Variants in NEDD9 observed in about 807,000 individuals in gnomAD.
The protein encoded by NEDD9 is neural precursor cell expressed, developmentally down-regulated 9.
Under a neutral mutation model 76.6 loss-of-function variants are expected in NEDD9, and 26 were observed. That is an observed-to-expected ratio of 0.34 (90% CI 0.25 to 0.47). The LOEUF (loss-of-function observed/expected upper bound fraction) is 0.47. NEDD9 is among the 20% of genes least tolerant of loss of function. The pLI, the probability that NEDD9 is intolerant of heterozygous loss-of-function variation, is 1.00. For synonymous variants in NEDD9, 392 were observed against 414.2 expected, an observed-to-expected ratio of 0.95 and a Z score of 0.65; for missense variants, 937 against 1,058.5, an observed-to-expected ratio of 0.89 and a Z score of 1.59.
Position 11,188,947 on chromosome 6 carries a change from A to ATTT in NEDD9, c.1906-643_1906-641dup, listed in dbSNP as rs34060597. 1.1e-3 allele frequency among the ~76,000 whole-genome samples: 159 copies of ATTT among 145,990 alleles called. 1 individual carries two copies. The highest frequency in any genetic ancestry group is 4.9e-3 in the East Asian group (24 of 4,942). On this transcript the variant is annotated intron_variant, in intron 5 of 6. Coordinates refer to ENST00000379446, the MANE Select transcript of NEDD9 (RefSeq NM_006403.4). The stretch of plus-strand genomic sequence containing the variant: ...AGTCCTAAACAATGGATCTTGGTAG[A>ATTT]TTTTTTTTTTTTTTTCTGAGACAGA...
chr6:11,306,049 T>C (rs750597128), exon 3 of NEDD9: 1 of 1,613,288 alleles, frequency 6.2e-7, no homozygotes. Context: ...AAAGGACAAT[T>C]CCGGCGTTTT....
intron 2 of NEDD9, among the ~76,000 whole-genome samples, chr6:11,196,076 T>A (rs1758284480): frequency 6.6e-6 from 1 of 152,004 alleles, no homozygotes; most frequent in South Asian, 2.1e-4. Flanking sequence ...AGGGCAAGGA[T>A]CGCGGATCAC....
rs35011508 is a variant in NEDD9 at position 11,358,246 on chromosome 6, C to CAA, written c.-213-23687_-213-23686dup. On this transcript the variant is annotated intron_variant, in intron 1 of 3. Coordinates refer to the NEDD9 transcript ENST00000397378. The stretch of plus-strand genomic sequence containing the variant: ...GCCTGGCGACAGAGCAAGACTCCGT[C>CAA]AAAAAAAAAAAAAAAAAAAAAAAAA... Among the ~76,000 whole-genome samples the CAA allele has an allele frequency of 3.8e-3, 233 of 61,288 alleles. 12 individuals are homozygous for CAA. Among genetic ancestry groups the CAA allele is most frequent in the Non-Finnish European group, 5.6e-3 (200 of 35,442 alleles). 40.2% of individuals were successfully genotyped at this position (61,288 alleles called of 152,430 possible). A position where few individuals can be genotyped will look rare whatever the true frequency, so the allele number is the denominator to read the frequency against.
intron 2 of NEDD9, among the ~76,000 whole-genome samples, chr6:11,309,710 C>T (rs982319659): frequency 5.3e-5 from 8 of 152,122 alleles, no homozygotes; most frequent in Non-Finnish European, 1.0e-4. Flanking sequence ...TGTGTCACCA[C>T]CCCTCTAAAA....
intron 1 of NEDD9, among the ~76,000 whole-genome samples, chr6:11,340,577 G>A (rs1297339056): frequency 6.6e-6 from 1 of 152,124 alleles, no homozygotes; most frequent in Non-Finnish European, 1.5e-5. Context: ...CTTGCCTAAA[G>A]TCACACAGCC....
chr6:11,350,111 G>A (rs896958874), intron 1 of NEDD9, among the ~76,000 whole-genome samples: 2 of 152,130 alleles, frequency 1.3e-5, no homozygotes, highest in Admixed American at 6.6e-5. Context: ...ATTGACAATT[G>A]GCTGTTAATG....
chr6:11,203,552 G>A lies in NEDD9; in HGVS notation c.459+9729C>T, dbSNP rs1581953323. Among the ~76,000 whole-genome samples, 4 of 152,308 alleles carry A rather than the reference G, an allele frequency of 2.6e-5. No individual in the cohort carries two copies. The South Asian group carries it at 8.3e-4, about 32-fold the overall frequency. On this transcript the variant is annotated intron_variant, in intron 2 of 6. Coordinates refer to ENST00000379446, the MANE Select transcript of NEDD9 (RefSeq NM_006403.4). Reference sequence around the variant, plus strand: ...GCAAACCACTCACAAGGCAGAACTCGGTGCCAGCTCTGAAGGTGGTTGTCG... The same window carrying A: ...GCAAACCACTCACAAGGCAGAACTCAGTGCCAGCTCTGAAGGTGGTTGTCG...
At chr6:11,221,978 G>C (rs1759158676) in intron 1 of NEDD9, among the ~76,000 whole-genome samples, 1 of 151,976 alleles carries the variant, frequency 6.6e-6, no homozygotes, top group Admixed American at 6.6e-5. Flanking sequence ...AGGTACTCAG[G>C]GAAGAGAAAT....
chr6:11,324,652 C>T (rs1055815800), intron 2 of NEDD9, among the ~76,000 whole-genome samples: 2 of 152,234 alleles, frequency 1.3e-5, no homozygotes, highest in Non-Finnish European at 2.9e-5. Context: ...GTGTGCCTGT[C>T]CTTTCTTGTC....
chr6:11,371,247 T>C (rs956817544), intron 1 of NEDD9, among the ~76,000 whole-genome samples: 2 of 152,182 alleles, frequency 1.3e-5, no homozygotes, highest in Non-Finnish European at 2.9e-5. Flanking sequence ...GCACATTTGC[T>C]ACAATCAATA....
At chr6:11,331,364 G>A (rs977952801) in intron 2 of NEDD9, among the ~76,000 whole-genome samples, 1 of 144,136 alleles carries the variant, frequency 6.9e-6, no homozygotes, top group Non-Finnish European at 1.5e-5. Context: ...TTTTTCTGAA[G>A]CAACAGGGTG....
chr6:11,215,351 G>C (rs917816649), intron 1 of NEDD9, among the ~76,000 whole-genome samples: 4 of 152,222 alleles, frequency 2.6e-5, no homozygotes, highest in African/African-American at 9.7e-5. Flanking sequence ...AAACTGAGGA[G>C]TGCATATTTC....
At chr6:11,309,494 G>C (rs1470039982) in intron 2 of NEDD9, among the ~76,000 whole-genome samples, 1 of 152,118 alleles carries the variant, frequency 6.6e-6, no homozygotes, top group African/African-American at 2.4e-5. Context: ...GGATTCTCTT[G>C]CCTCAGCCTC....
At chr6:11,312,393 C>T (rs952980980) in intron 2 of NEDD9, among the ~76,000 whole-genome samples, 8 of 152,112 alleles carry the variant, frequency 5.3e-5, no homozygotes, top group South Asian at 4.1e-4. Flanking sequence ...GATGTCCTCT[C>T]GACGATGCCT....
chr6:11,262,321 A>G (rs1760130111), intron 3 of NEDD9, among the ~76,000 whole-genome samples: 1 of 152,226 alleles, frequency 6.6e-6, no homozygotes, highest in Non-Finnish European at 1.5e-5. Context: ...AAATTTTGGC[A>G]GCTGCGTTAG....
intron 2 of NEDD9, among the ~76,000 whole-genome samples, chr6:11,197,401 A>G (rs942889147): frequency 6.6e-6 from 1 of 152,140 alleles, no homozygotes; most frequent in Non-Finnish European, 1.5e-5. Context: ...TCTATGATCC[A>G]ATGCTACTGC....
intron 3 of NEDD9, among the ~76,000 whole-genome samples, chr6:11,257,432 G>A (rs1760024892): frequency 6.6e-6 from 1 of 152,164 alleles, no homozygotes; most frequent in Non-Finnish European, 1.5e-5. Context: ...GGAAGAGAGG[G>A]AAGAGTGCCT....
At chr6:11,309,856 A>G (rs942787042) in intron 2 of NEDD9, among the ~76,000 whole-genome samples, 12 of 152,238 alleles carry the variant, frequency 7.9e-5, no homozygotes, top group Non-Finnish European at 1.2e-4. Context: ...TTATAATAAT[A>G]TCCATAGTTT....
chr6:11,346,357 TA>T (rs1159809518), intron 1 of NEDD9, among the ~76,000 whole-genome samples: 9 of 152,086 alleles, frequency 5.9e-5, no homozygotes, highest in Admixed American at 2.0e-4. Flanking sequence ...CTTAACTGAC[TA>T]AAGAATGTGG....
Sources: allele counts gnomAD v4.1 joint callset (sites outside exome capture counted in the v4.1 genomes callset), GRCh38; gene constraint gnomAD v4.1.1; transcripts MANE v1.5; gene names NCBI Gene and HGNC (gene_info 2026-07-23, HGNC 2026-07-21).